Variants in VTCN1 observed in about 807,000 individuals in gnomAD.
The protein encoded by VTCN1 is V-set domain-containing T-cell activation inhibitor 1.
A neutral mutation model predicts 26.5 loss-of-function variants in VTCN1; 26 were observed. That is an observed-to-expected ratio of 0.98 (90% CI 0.72 to 1.36). VTCN1 has a LOEUF of 1.36. VTCN1 is among the 40% of genes most tolerant of loss of function. VTCN1 has a pLI of 0.00. For missense variants in VTCN1, 298 were observed against 337.7 expected, an observed-to-expected ratio of 0.88 and a Z score of 0.92; for synonymous variants, 116 against 130.7, an observed-to-expected ratio of 0.89 and a Z score of 0.77.
intron 1 of VTCN1, chr1:117,173,311 C>A: frequency 3.3e-6 from 2 of 608,196 alleles, no homozygotes; most frequent in Non-Finnish European, 6.0e-6. Flanking sequence ...GTGGTTAATT[C>A]CTAATCCAAT....
chr1:117,198,140 C>A (rs1648608280), intron 1 of VTCN1, among the ~76,000 whole-genome samples: 1 of 152,176 alleles, frequency 6.6e-6, no homozygotes, highest in Non-Finnish European at 1.5e-5. Flanking sequence ...CATAGGGAAG[C>A]CCCACCCTAC....
chr1:117,159,719 A>C lies in VTCN1; in HGVS notation c.98-2798T>G, dbSNP rs1652268159. ...AAATGTGGCCTAGTCATTCTGAAAAATGCTGAATTCTAAAGTGCTGTAACT... is the reference window on the plus strand; with the variant it reads ...AAATGTGGCCTAGTCATTCTGAAAACTGCTGAATTCTAAAGTGCTGTAACT... On this transcript the variant is annotated intron_variant, in intron 2 of 5. Coordinates refer to ENST00000369458, the MANE Select transcript of VTCN1 (RefSeq NM_024626.4). The surrounding 1 kb of genome is among the most constrained non-coding windows in gnomAD (Gnocchi z 4.7). 2.0e-5 allele frequency among the ~76,000 whole-genome samples: 3 copies of C among 152,248 alleles called. No individual in the cohort carries two copies. Among genetic ancestry groups the C allele is most frequent in the Admixed American group, 2.0e-4 (3 of 15,284 alleles).
intron 1 of VTCN1, among the ~76,000 whole-genome samples, chr1:117,199,703 G>T (rs528348002): frequency 6.8e-6 from 1 of 146,466 alleles, no homozygotes; most frequent in Admixed American, 6.9e-5. Context: ...TGGTGCAGTC[G>T]TGGCTCACTG....
rs577646813 is a variant in VTCN1, at chr1:117,166,942, A to T, written c.97+3165T>A. Among the ~76,000 whole-genome samples, 9 of 151,840 alleles carry T rather than the reference A, an allele frequency of 5.9e-5. No homozygotes were observed. The South Asian group carries it at 1.5e-3, about 25-fold the overall frequency. Reference sequence around the variant, plus strand: ...TCCCATCTCTACTAAAAGTACAAAAAATTAGCCAGGTGTGGTGGTGCACGT... The same window carrying T: ...TCCCATCTCTACTAAAAGTACAAAATATTAGCCAGGTGTGGTGGTGCACGT... On this transcript the variant is annotated intron_variant, in intron 2 of 5. Transcript: ENST00000369458.
chr1:117,149,865 T>C (rs546535621), intron 4 of VTCN1, among the ~76,000 whole-genome samples: 25 of 152,314 alleles, frequency 1.6e-4, no homozygotes, highest in Admixed American at 1.0e-3. Context: ...AATAAGAAAT[T>C]CTGCTATTTT....
At chr1:117,203,781 A>G (rs1257726443) in intron 1 of VTCN1, 15 of 985,436 alleles carry the variant, frequency 1.5e-5, no homozygotes, top group Non-Finnish European at 1.7e-5. Flanking sequence ...GGGAGCACAG[A>G]GCGGCTGCTA....
rs1209839719 is a variant in VTCN1, at chr1:117,147,848, G to C, written c.725-66C>G. On this transcript the variant is annotated intron_variant, in intron 4 of 5. Transcript: ENST00000369458. The surrounding 1 kb of genome is among the most constrained non-coding windows in gnomAD (Gnocchi z 4.6). Reference sequence around the variant, plus strand: ...GCTGGATGTCTTCTTCACATGACTGGTTAGCAAAGAAAAGTACCTGAAAAA... The same window carrying C: ...GCTGGATGTCTTCTTCACATGACTGCTTAGCAAAGAAAAGTACCTGAAAAA... The C allele has an allele frequency of 3.2e-6, 5 of 1,552,906 alleles. No homozygotes were observed. The highest frequency in any genetic ancestry group is 4.3e-6 in the Non-Finnish European group (5 of 1,154,484).
chr1:117,152,540 G>A (rs983585542), intron 4 of VTCN1, among the ~76,000 whole-genome samples: 1 of 152,120 alleles, frequency 6.6e-6, no homozygotes, highest in African/African-American at 2.4e-5. Context: ...TAGGGTGCTG[G>A]GAGACCAGTT....
chr1:117,147,907 T>A lies in VTCN1; in HGVS notation c.725-125A>T. 1 of 1,318,936 alleles carries A rather than the reference T, an allele frequency of 7.6e-7. No individual in the cohort carries two copies. The highest frequency in any genetic ancestry group is 1.0e-6 in the Non-Finnish European group (1 of 971,840). 81.7% of individuals were successfully genotyped at this position (1,318,936 alleles called of 1,614,324 possible). Reference sequence around the variant, plus strand: ...GTTGTTCCTAATTCAGGCAATTTTTTACCCCTTTGCCCACCTCTCCGTAAC... The same window carrying A: ...GTTGTTCCTAATTCAGGCAATTTTTAACCCCTTTGCCCACCTCTCCGTAAC... On this transcript the variant is annotated intron_variant, in intron 4 of 5. Transcript: ENST00000369458. This position sits in a 1 kb window ranked among gnomAD's most constrained non-coding sequence, Gnocchi z 4.6.
At chr1:117,176,266 A>C (rs141928205) in intron 1 of VTCN1, among the ~76,000 whole-genome samples, 100 of 152,310 alleles carry the variant, frequency 6.6e-4, no homozygotes, top group African/African-American at 2.4e-3. Flanking sequence ...GTAACAGATG[A>C]AGCTGTCACA....
chr1:117,154,509 C>T (rs971821856), intron 3 of VTCN1, among the ~76,000 whole-genome samples: 5 of 152,146 alleles, frequency 3.3e-5, no homozygotes, highest in African/African-American at 9.7e-5. Context: ...GGAGGCCAGG[C>T]GCAGTGGCAC....
chr1:117,180,369 C>G (rs765852495), intron 1 of VTCN1, among the ~76,000 whole-genome samples: 7 of 152,094 alleles, frequency 4.6e-5, no homozygotes, highest in Non-Finnish European at 8.8e-5. Flanking sequence ...ACAAGCAGAG[C>G]GAGACAAAAG....
chr1:117,157,995 G>A (rs1001531781), intron 2 of VTCN1, among the ~76,000 whole-genome samples: 1 of 152,216 alleles, frequency 6.6e-6, no homozygotes, highest in Non-Finnish European at 1.5e-5. Flanking sequence ...TCACATCCAG[G>A]TCATGCTGAT....
chr1:117,170,349 C>T (rs745532510), intron 1 of VTCN1, 178 bp from the exon 2 acceptor site: 1 of 711,146 alleles, frequency 1.4e-6, no homozygotes, highest in African/African-American at 1.7e-5. Flanking sequence ...TCAGCAATTC[C>T]ATCCCCATCC....
intron 1 of VTCN1, among the ~76,000 whole-genome samples, chr1:117,173,686 C>T (rs1223722027): frequency 6.6e-6 from 1 of 152,194 alleles, no homozygotes; most frequent in African/African-American, 2.4e-5. Flanking sequence ...TCAGAAAGGG[C>T]TATTCATACA....
In VTCN1 at chr1:117,155,410, T is replaced by C. The variant is rs903344112; in HGVS notation, c.445+1164A>G. On this transcript the variant is annotated intron_variant, in intron 3 of 5. Transcript: ENST00000369458. This position sits in a 1 kb window ranked among gnomAD's most constrained non-coding sequence, Gnocchi z 4.8. ...GGAGGGAAGAGATCTAAATAAATTATTTGGAATTCATCTGTAAGGGGAATT... is the reference window on the plus strand; with the variant it reads ...GGAGGGAAGAGATCTAAATAAATTACTTGGAATTCATCTGTAAGGGGAATT... 6.6e-6 allele frequency among the ~76,000 whole-genome samples: 1 copy of C among 152,182 alleles called. No individual in the cohort carries two copies. The highest frequency in any genetic ancestry group is 1.9e-4 in the East Asian group (1 of 5,204).
At chr1:117,188,627 C>T (rs753381768) in intron 1 of VTCN1, among the ~76,000 whole-genome samples, 4 of 152,156 alleles carry the variant, frequency 2.6e-5, no homozygotes, top group Non-Finnish European at 4.4e-5. Flanking sequence ...AGACATCATG[C>T]CTGACTCATC....
intron 1 of VTCN1, among the ~76,000 whole-genome samples, chr1:117,187,774 C>T (rs1648019434): frequency 6.6e-6 from 1 of 150,962 alleles, no homozygotes. Context: ...ATGCTGCATA[C>T]CAAAGTGAGG....
At chr1:117,204,034 G>A (rs542182040) in intron 1 of VTCN1, among the ~76,000 whole-genome samples, 48 of 152,266 alleles carry the variant, frequency 3.2e-4, no homozygotes, top group African/African-American at 1.1e-3. Flanking sequence ...ACAGAACAAG[G>A]ACTAGAAAGA....
Sources: allele counts gnomAD v4.1 joint callset (sites outside exome capture counted in the v4.1 genomes callset), GRCh38; gene constraint gnomAD v4.1.1; non-coding constraint Gnocchi (gnomAD v3.1); transcripts MANE v1.5; gene names NCBI Gene and HGNC (gene_info 2026-07-23, HGNC 2026-07-21).